The following TOX variants were observed in gnomAD, a reference collection of about 807,000 sequenced individuals.
TOX encodes the protein thymocyte selection associated high mobility group box, also known as thymocyte selection-associated high mobility group box protein TOX.
In TOX, 11 loss-of-function variants were observed where a neutral mutation model predicts 53.7. The observed-to-expected ratio is 0.20, with a 90% CI of 0.13 to 0.34. The LOEUF (loss-of-function observed/expected upper bound fraction) is 0.34, where lower values mean the gene tolerates loss of function less well. Ranked by LOEUF, TOX falls within the 10% of genes least tolerant of loss-of-function variation. The pLI is 1.00. For missense variants in TOX, 570 were observed against 664.6 expected, an observed-to-expected ratio of 0.86 and a Z score of 1.56; for synonymous variants, 225 against 245.3, an observed-to-expected ratio of 0.92 and a Z score of 0.77.
rs1053530084 is a variant in TOX, at chr8:58,807,678, T to C, written c.*69A>G. 1.9e-6 allele frequency: 3 copies of C among 1,570,132 alleles called. No individual in the cohort carries two copies. The highest frequency in any genetic ancestry group is 2.6e-6 in the Non-Finnish European group (3 of 1,141,250). On this transcript the variant is annotated 3_prime_UTR_variant, in exon 9 of 9. Coordinates refer to ENST00000361421, the MANE Select transcript of TOX (RefSeq NM_014729.3). ...TAATAAAATGGAGAACTGCCTTGAC[T>C]GTACAAAGCAATCCATGGTGAAAAC...
intron 1 of TOX, among the ~76,000 whole-genome samples, chr8:58,973,460 A>C (rs1287927300): frequency 6.6e-6 from 1 of 152,220 alleles, no homozygotes; most frequent in East Asian, 1.9e-4. Context: ...ATTCTGAATA[A>C]AGCCTCGGAG....
intron 1 of TOX, among the ~76,000 whole-genome samples, chr8:59,012,462 G>GACCCC (rs1813924686): frequency 6.6e-6 from 1 of 151,796 alleles, no homozygotes; most frequent in South Asian, 2.1e-4. Context: ...AACCTGACCT[G>GACCCC]ACCCCATGCT....
At chr8:59,084,321 CTA>C (rs946021129) in intron 1 of TOX, among the ~76,000 whole-genome samples, 1 of 151,984 alleles carries the variant, frequency 6.6e-6, no homozygotes, top group Non-Finnish European at 1.5e-5. Flanking sequence ...CAAAGATCCT[CTA>C]TTTACTTTTT....
chr8:58,989,821 G>T (rs1346254904), intron 1 of TOX, among the ~76,000 whole-genome samples: 2 of 152,192 alleles, frequency 1.3e-5, no homozygotes, highest in African/African-American at 2.4e-5. Flanking sequence ...CAAAACCAAA[G>T]CCTTCGCTCA....
intron 2 of TOX, among the ~76,000 whole-genome samples, chr8:58,948,924 A>G (rs560210884): frequency 1.3e-5 from 2 of 152,166 alleles, no homozygotes; most frequent in African/African-American, 4.8e-5. Flanking sequence ...TTTTTAGTGC[A>G]TATTTGCTAG....
chr8:58,910,110 A>C (rs867068740), intron 3 of TOX, among the ~76,000 whole-genome samples: 1 of 152,342 alleles, frequency 6.6e-6, no homozygotes, highest in Non-Finnish European at 1.5e-5. Context: ...TGTGCCATGC[A>C]TTGGTACAGT....
At chr8:58,932,042 C>T (rs1294256767) in intron 3 of TOX, among the ~76,000 whole-genome samples, 1 of 152,092 alleles carries the variant, frequency 6.6e-6, no homozygotes, top group East Asian at 1.9e-4. Flanking sequence ...ATACCACATT[C>T]AAAGTAGTCT....
chr8:58,986,212 C>T (rs1425410271), intron 1 of TOX, among the ~76,000 whole-genome samples: 1 of 152,174 alleles, frequency 6.6e-6, no homozygotes, highest in Non-Finnish European at 1.5e-5. Flanking sequence ...CCACTAATCA[C>T]AGGAGGCATT....
chr8:59,093,573 G>T (rs73256375), intron 1 of TOX, among the ~76,000 whole-genome samples: 1,728 of 152,212 alleles, frequency 0.011, 47 homozygotes, highest in African/African-American at 0.039. Context: ...TACAGCTATT[G>T]TTACAAGTTT....
At chr8:59,069,151 A>T (rs1198672496) in intron 1 of TOX, among the ~76,000 whole-genome samples, 3 of 152,164 alleles carry the variant, frequency 2.0e-5, no homozygotes, top group African/African-American at 7.2e-5. Context: ...CCAGTAAGAA[A>T]TGAGGAGGGC....
chr8:59,014,615 G>A (rs1036956204), intron 1 of TOX, among the ~76,000 whole-genome samples: 21 of 152,280 alleles, frequency 1.4e-4, no homozygotes, highest in Admixed American at 3.3e-4. Flanking sequence ...AAATGCTGAC[G>A]ACCTGCTTTA....
chr8:59,100,363 T>C (rs762717626), intron 1 of TOX, among the ~76,000 whole-genome samples: 17 of 152,176 alleles, frequency 1.1e-4, no homozygotes, highest in Non-Finnish European at 2.4e-4. Flanking sequence ...TTTCTATTTG[T>C]GGTGTTCTGA....
At chr8:58,834,246 A>C (rs1810511270) in intron 5 of TOX, among the ~76,000 whole-genome samples, 1 of 152,184 alleles carries the variant, frequency 6.6e-6, no homozygotes, top group Non-Finnish European at 1.5e-5. Context: ...GTAGCTGTTC[A>C]TAATTGTGGG....
chr8:58,898,207 G>T (rs1367460168), intron 3 of TOX, among the ~76,000 whole-genome samples: 1 of 152,120 alleles, frequency 6.6e-6, no homozygotes, highest in African/African-American at 2.4e-5. Context: ...ACAGTTTTAT[G>T]TTCAAGTGGG....
In TOX at chr8:58,807,575, A is replaced by G. The variant is rs912653533; in HGVS notation, c.*172T>C. 5.9e-5 allele frequency: 37 copies of G among 627,330 alleles called. 2 individuals are homozygous for G. The highest frequency in any genetic ancestry group is 2.2e-4 in the South Asian group (9 of 40,954). 38.9% of individuals were successfully genotyped at this position (627,330 alleles called of 1,614,324 possible). On this transcript the variant is annotated 3_prime_UTR_variant, in exon 9 of 9. Transcript: ENST00000361421. ...TCCATAAAGGATTAAAAAAATAATA[A>G]AGAAGCATGACTATTTCTTCCAGAG...
chr8:58,891,792 T>C (rs7000535), intron 3 of TOX, among the ~76,000 whole-genome samples: 85,327 of 152,018 alleles, frequency 0.56, 24,803 homozygotes, highest in African/African-American at 0.71. Context: ...TGCTTTCTCA[T>C]GTGAGATTCA....
intron 4 of TOX, among the ~76,000 whole-genome samples, chr8:58,842,713 T>C (rs1181092935): frequency 6.6e-6 from 1 of 152,206 alleles, no homozygotes; most frequent in Non-Finnish European, 1.5e-5. Flanking sequence ...CTTTTAGGGA[T>C]GTCCTGAAGA....
intron 2 of TOX, among the ~76,000 whole-genome samples, chr8:58,940,092 T>C (rs1812411672): frequency 6.6e-6 from 1 of 152,206 alleles, no homozygotes; most frequent in Non-Finnish European, 1.5e-5. Flanking sequence ...GAAAGTGTGA[T>C]ATATGAAGAA....
chr8:58,966,698 T>G, intron 1 of TOX, among the ~76,000 whole-genome samples: 1 of 152,132 alleles, frequency 6.6e-6, no homozygotes, highest in East Asian at 1.9e-4. Flanking sequence ...TCAATAATAA[T>G]AATAATACTA....
Sources: allele counts gnomAD v4.1 joint callset (sites outside exome capture counted in the v4.1 genomes callset), GRCh38; gene constraint gnomAD v4.1.1; transcripts MANE v1.5; gene names NCBI Gene and HGNC (gene_info 2026-07-23, HGNC 2026-07-21).